The following NKAIN2 variants were observed in gnomAD, a reference collection of about 807,000 sequenced individuals.
NKAIN2 encodes the protein sodium/potassium-transporting ATPase subunit beta-1-interacting protein 2.
Under a neutral mutation model 32.6 loss-of-function variants are expected in NKAIN2, and 14 were observed. That is an observed-to-expected ratio of 0.43 (90% CI 0.28 to 0.67). The LOEUF is 0.67. Among genes scored for constraint, NKAIN2 ranks in the 30% least tolerant of loss-of-function variants. The pLI is 0.17. For synonymous variants in NKAIN2, 80 were observed against 87.2 expected (o/e 0.92, Z 0.46); for missense variants, 198 against 258.3 (o/e 0.77, Z 1.60).
intron 4 of NKAIN2, among the ~76,000 whole-genome samples, chr6:124,744,459 TCTC>T (rs1239311661): frequency 6.6e-6 from 1 of 151,828 alleles, no homozygotes; most frequent in African/African-American, 2.4e-5. Flanking sequence ...ACTTCCCAAA[TCTC>T]CTCTGCTTAT....
chr6:123,946,657 A>G (rs1777077958), intron 1 of NKAIN2, among the ~76,000 whole-genome samples: 1 of 152,212 alleles, frequency 6.6e-6, no homozygotes, highest in African/African-American at 2.4e-5. Flanking sequence ...CTACAGAACA[A>G]GATCTGATAT....
At chr6:124,039,324 G>A (rs1222419462) in intron 1 of NKAIN2, among the ~76,000 whole-genome samples, 1 of 151,722 alleles carries the variant, frequency 6.6e-6, no homozygotes, top group African/African-American at 2.4e-5. Context: ...CAAATATCAT[G>A]GCTTATTTCA....
At chr6:124,572,727 T>A (rs1300217951) in intron 3 of NKAIN2, among the ~76,000 whole-genome samples, 1 of 151,472 alleles carries the variant, frequency 6.6e-6, no homozygotes, top group Non-Finnish European at 1.5e-5. Flanking sequence ...TTTAGATCAA[T>A]ATCAAGATAT....
chr6:124,115,496 G>GA (rs912123268), intron 1 of NKAIN2, among the ~76,000 whole-genome samples: 5 of 151,228 alleles, frequency 3.3e-5, no homozygotes, highest in African/African-American at 7.3e-5. Flanking sequence ...TTTCCCTTGA[G>GA]AAAAAAAAAT....
chr6:124,281,479 T>C (rs1460001460), intron 1 of NKAIN2, among the ~76,000 whole-genome samples: 1 of 152,200 alleles, frequency 6.6e-6, no homozygotes, highest in Non-Finnish European at 1.5e-5. Flanking sequence ...GATATTCCAG[T>C]CCTATGACAG....
intron 4 of NKAIN2, among the ~76,000 whole-genome samples, chr6:124,701,315 T>C (rs1288195983): frequency 2.0e-5 from 3 of 152,136 alleles, no homozygotes; most frequent in Non-Finnish European, 4.4e-5. Context: ...TTTCAAAGTC[T>C]TTCTTAAGGA....
chr6:124,099,925 T>G (rs957681366), intron 1 of NKAIN2, among the ~76,000 whole-genome samples: 1 of 152,196 alleles, frequency 6.6e-6, no homozygotes, highest in African/African-American at 2.4e-5. Context: ...TATTTTGGTT[T>G]GGATTTCTGT....
rs530615344 is a variant in NKAIN2, at chr6:124,764,672, A to G, written c.475-26667A>G. On this transcript the variant is annotated intron_variant, in intron 4 of 6. Transcript: ENST00000368417. ...GTTCAGGCTTTTGCTTTGAATACTA[A>G]ACCATCTATTTCTGTATTTATCATA... Among the ~76,000 whole-genome samples the G allele has an allele frequency of 1.3e-5, 2 of 152,138 alleles. 1 individual carries two copies. The highest frequency in any genetic ancestry group is 2.9e-5 in the Non-Finnish European group (2 of 68,030).
chr6:124,495,469 A>T (rs1778028518), intron 3 of NKAIN2, among the ~76,000 whole-genome samples: 1 of 151,972 alleles, frequency 6.6e-6, no homozygotes, highest in South Asian at 2.1e-4. Context: ...TATGCGTATG[A>T]ATCACCTAGG....
chr6:123,966,185 A>G (rs1429005460), intron 1 of NKAIN2, among the ~76,000 whole-genome samples: 3 of 152,184 alleles, frequency 2.0e-5, no homozygotes, highest in African/African-American at 7.2e-5. Flanking sequence ...CTCTTTTGTC[A>G]GCTGGATCCA....
At chr6:124,019,626 TAATAAATATTATGGATCATCTTCTAG>T (rs1780770176) in intron 1 of NKAIN2, among the ~76,000 whole-genome samples, 1 of 152,198 alleles carries the variant, frequency 6.6e-6, no homozygotes, top group Non-Finnish European at 1.5e-5. Flanking sequence ...AGTAAAAACA[TAATAAATATTATGGATCATCTTCTAG>T]AAAGGATAAA....
At chr6:124,533,462 ACT>A (rs1414916720) in intron 3 of NKAIN2, among the ~76,000 whole-genome samples, 4 of 62,360 alleles carry the variant, frequency 6.4e-5, no homozygotes, top group Non-Finnish European at 1.4e-4. Context: ...ACAGAGCAAG[ACT>A]CTGTCTCAAA....
chr6:124,357,679 A>G (rs1799051281), intron 3 of NKAIN2, among the ~76,000 whole-genome samples: 1 of 152,204 alleles, frequency 6.6e-6, no homozygotes, highest in African/African-American at 2.4e-5. Flanking sequence ...TCTTTTGTAA[A>G]TAAGTGATGG....
chr6:123,896,051 C>T (rs969416419), intron 1 of NKAIN2, among the ~76,000 whole-genome samples: 1 of 152,160 alleles, frequency 6.6e-6, no homozygotes, highest in African/African-American at 2.4e-5. Context: ...ACATTTGCAG[C>T]TGCATCTGCA....
chr6:124,641,445 A>G (rs1039456123), intron 3 of NKAIN2, among the ~76,000 whole-genome samples: 1 of 151,242 alleles, frequency 6.6e-6, no homozygotes, highest in African/African-American at 2.4e-5. Flanking sequence ...ATATAATAGC[A>G]ATGAACTTTA....
At chr6:124,664,571 G>A (rs1562313210) in intron 4 of NKAIN2, among the ~76,000 whole-genome samples, 1 of 150,936 alleles carries the variant, frequency 6.6e-6, no homozygotes, top group Non-Finnish European at 1.5e-5. Flanking sequence ...GAGGCGGGCG[G>A]ATCACGAGGT....
intron 1 of NKAIN2, among the ~76,000 whole-genome samples, chr6:124,154,971 TG>T (rs1787908321): frequency 6.6e-6 from 1 of 152,100 alleles, no homozygotes; most frequent in Non-Finnish European, 1.5e-5. Flanking sequence ...TACAATACCT[TG>T]CCACATGGCA....
chr6:124,498,143 A>G (rs1165389187), intron 3 of NKAIN2, among the ~76,000 whole-genome samples: 2 of 152,158 alleles, frequency 1.3e-5, no homozygotes, highest in African/African-American at 2.4e-5. Flanking sequence ...GAAATCTGGG[A>G]AAGTTATCCA....
intron 1 of NKAIN2, among the ~76,000 whole-genome samples, chr6:124,279,356 A>C (rs908056410): frequency 1.3e-5 from 2 of 151,918 alleles, no homozygotes; most frequent in Non-Finnish European, 2.9e-5. Flanking sequence ...AAAGACAAAA[A>C]ATTAGCCAGG....
Sources: gnomAD v4.1 joint callset for allele counts (sites outside exome capture counted in the v4.1 genomes callset) on GRCh38, gnomAD v4.1.1 for gene constraint, MANE v1.5 for transcripts, NCBI Gene and HGNC (gene_info 2026-07-23, HGNC 2026-07-21) for gene names.